MYO5B: variants seen among roughly 807,000 people sequenced by gnomAD.
The protein encoded by MYO5B is myosin VB.
Under a neutral mutation model 229.3 loss-of-function variants are expected in MYO5B, and 143 were observed. That is an observed-to-expected ratio of 0.62 (90% CI 0.54 to 0.72). The LOEUF is 0.72. Ranked by LOEUF, MYO5B falls within the 30% of genes least tolerant of loss-of-function variation. MYO5B has a pLI of 0.00. For synonymous variants in MYO5B, 918 were observed against 885.2 expected, an observed-to-expected ratio of 1.04 and a Z score of -0.66; for missense variants, 2,321 against 2,331.0, an observed-to-expected ratio of 1.00 and a Z score of 0.09.
At chr18:50,122,032 G>A (rs113277496) in intron 1 of MYO5B, among the ~76,000 whole-genome samples, 2,995 of 152,260 alleles carry the variant, frequency 0.02, 88 homozygotes, top group African/African-American at 0.069. Context: ...GGACTGAACC[G>A]ACCCCCAAAG....
At chr18:49,849,481 G>A in intron 32 of MYO5B, 86 bp downstream of exon 32, 1 of 945,066 alleles carries the variant, frequency 1.1e-6, no homozygotes. Flanking sequence ...GGAAGAATGT[G>A]CAGAGGGCAG....
chr18:49,888,051 C>T (rs1034280524), intron 22 of MYO5B, among the ~76,000 whole-genome samples: 47 of 152,172 alleles, frequency 3.1e-4, no homozygotes, highest in African/African-American at 1.0e-3. Flanking sequence ...GAGTGTCCAG[C>T]CTGGCAGGGA....
chr18:50,104,265 GAT>G (rs3075606), intron 1 of MYO5B, among the ~76,000 whole-genome samples: 21,637 of 134,396 alleles, frequency 0.16, 1,815 homozygotes, highest in South Asian at 0.25. Flanking sequence ...ATCTATACAT[GAT>G]ATATATATAT....
chr18:49,965,455 T>TCACACACA (rs57101973), intron 10 of MYO5B, among the ~76,000 whole-genome samples: 24,172 of 147,000 alleles, frequency 0.16, 1,971 homozygotes, highest in Non-Finnish European at 0.18. Context: ...ACACTTCTTT[T>TCACACACA]CACACACACA....
At chr18:50,034,329 G>T (rs537184366) in intron 4 of MYO5B, among the ~76,000 whole-genome samples, 55 of 152,314 alleles carry the variant, frequency 3.6e-4, no homozygotes, top group Non-Finnish European at 6.3e-4. Flanking sequence ...GCAAAAACTT[G>T]TCCTGCATCT....
At chr18:50,027,426 A>C (rs1461180047) in intron 4 of MYO5B, among the ~76,000 whole-genome samples, 1 of 152,170 alleles carries the variant, frequency 6.6e-6, no homozygotes, top group African/African-American at 2.4e-5. Flanking sequence ...TGACCTGAGG[A>C]AACAAGTGCA....
rs2024373293 is a variant in MYO5B at position 49,864,446 on chromosome 18, T to TC, written c.3604-67dup. 6.3e-6 allele frequency: 10 copies of TC among 1,583,542 alleles called. No individual in the cohort carries two copies. The East Asian group carries it at 6.8e-5, about 11-fold the overall frequency. ...CTAGGGCTCTCTCCCTGTGTGGGCC[T>TC]CCCCTCCTCCCCTTCTTTTGTCCAC... On this transcript the variant is annotated intron_variant, in intron 27 of 39. Coordinates refer to ENST00000285039, the MANE Select transcript of MYO5B (RefSeq NM_001080467.3).
At chr18:49,942,505 A>T (rs2025328062) in intron 14 of MYO5B, among the ~76,000 whole-genome samples, 1 of 151,840 alleles carries the variant, frequency 6.6e-6, no homozygotes, top group Non-Finnish European at 1.5e-5. Context: ...AATGAACTCA[A>T]ACAAATTTAC....
At chr18:49,859,640 A>G (rs2024304409) in intron 29 of MYO5B, among the ~76,000 whole-genome samples, 1 of 152,224 alleles carries the variant, frequency 6.6e-6, no homozygotes, top group South Asian at 2.1e-4. Flanking sequence ...ATGAGGGTGA[A>G]CAGTTTGTGG....
At chr18:50,083,528 T>C (rs1445019272) in intron 1 of MYO5B, among the ~76,000 whole-genome samples, 9 of 152,182 alleles carry the variant, frequency 5.9e-5, no homozygotes, top group African/African-American at 2.2e-4. Flanking sequence ...AGGAGCTGTG[T>C]GCCAAGAACT....
chr18:49,979,983 C>G lies in MYO5B; in HGVS notation c.1056+461G>C, dbSNP rs188700323. Among the ~76,000 whole-genome samples, 28 of 152,358 alleles carry G rather than the reference C, an allele frequency of 1.8e-4. No homozygotes were observed. The East Asian group carries it at 5.2e-3, about 28-fold the overall frequency. ...TTGCAGTACTTTCACATGTGTGTCT[C>G]ACTTAACAGCCTGCCTTGTGCTGTC... On this transcript the variant is annotated intron_variant, in intron 9 of 39. Transcript: ENST00000285039.
intron 39 of MYO5B, among the ~76,000 whole-genome samples, chr18:49,827,912 T>A (rs959013621): frequency 6.6e-6 from 1 of 150,924 alleles, no homozygotes; most frequent in Non-Finnish European, 1.5e-5. Context: ...AAAGAGGGAG[T>A]CTTGAAGGCA....
intron 7 of MYO5B, among the ~76,000 whole-genome samples, chr18:49,985,682 C>G (rs1027933775): frequency 1.3e-5 from 2 of 152,148 alleles, no homozygotes; most frequent in African/African-American, 4.8e-5. Flanking sequence ...ACTTCATGCT[C>G]TAAGTGTATA....
At chr18:50,105,239 AT>A (rs2031734948) in intron 1 of MYO5B, among the ~76,000 whole-genome samples, 6 of 146,184 alleles carry the variant, frequency 4.1e-5, no homozygotes, top group Non-Finnish European at 6.0e-5. Flanking sequence ...AAATAAATAA[AT>A]AAATAAATAA....
At chr18:49,842,807 T>A (rs1408435526) in intron 34 of MYO5B, among the ~76,000 whole-genome samples, 1 of 152,192 alleles carries the variant, frequency 6.6e-6, no homozygotes, top group Non-Finnish European at 1.5e-5. Flanking sequence ...CCTCCCTGTG[T>A]TACCCCCCAG....
intron 1 of MYO5B, among the ~76,000 whole-genome samples, chr18:50,058,931 G>A (rs2030619340): frequency 6.6e-6 from 1 of 152,156 alleles, no homozygotes; most frequent in Non-Finnish European, 1.5e-5. Flanking sequence ...ACTCGTCCAT[G>A]TGGGCAGGGT....
intron 10 of MYO5B, among the ~76,000 whole-genome samples, chr18:49,965,483 A>ACACACACACACACACC (rs1351541282): frequency 1.5e-4 from 22 of 148,840 alleles, no homozygotes; most frequent in Admixed American, 1.4e-3. Context: ...ACACACACAC[A>ACACACACACACACACC]CCTCTTCTCA....
chr18:50,047,160 G>A (rs1568085127), intron 2 of MYO5B, among the ~76,000 whole-genome samples: 1 of 152,154 alleles, frequency 6.6e-6, no homozygotes, highest in East Asian at 1.9e-4. Context: ...ACAACCTACA[G>A]AATGGGAGAA....
intron 1 of MYO5B, among the ~76,000 whole-genome samples, chr18:50,127,688 G>T (rs915752978): frequency 1.3e-5 from 2 of 152,206 alleles, no homozygotes; most frequent in African/African-American, 4.8e-5. Context: ...TTACTGGGAT[G>T]ATCAATTTTA....
Sources: allele counts gnomAD v4.1 joint callset (sites outside exome capture counted in the v4.1 genomes callset), GRCh38; gene constraint gnomAD v4.1.1; transcripts MANE v1.5; gene names NCBI Gene and HGNC (gene_info 2026-07-23, HGNC 2026-07-21).